Variants in ANKHD1 observed in about 807,000 individuals in gnomAD.
ANKHD1 encodes ankyrin repeat and KH domain-containing protein 1.
In ANKHD1, 31 loss-of-function variants were observed where a neutral mutation model predicts 230.5. The ratio of observed to expected loss-of-function variants is 0.13; its 90% CI spans 0.10 to 0.18. The LOEUF is 0.18. ANKHD1 is among the 10% of genes least tolerant of loss of function. The pLI is 1.00. For synonymous variants in ANKHD1, 1,074 were observed against 1,117.6 expected (o/e 0.96, Z 0.78); for missense variants, 2,256 against 3,071.3 (o/e 0.73, Z 6.27).
intron 24 of ANKHD1, among the ~76,000 whole-genome samples, chr5:140,520,988 AAAAC>A (rs1322995787): frequency 2.0e-5 from 3 of 151,960 alleles, no homozygotes; most frequent in Non-Finnish European, 4.4e-5. Context: ...TGGAAAAATT[AAAAC>A]AAACAAACTA....
intron 1 of ANKHD1, among the ~76,000 whole-genome samples, chr5:140,433,065 A>C (rs534819221): frequency 0.065 from 8,872 of 136,964 alleles, 336 homozygotes; most frequent in African/African-American, 0.13. Flanking sequence ...CCCCCCCCCA[A>C]AAAAAAAACG....
At position 140,485,429 on chromosome 5, in the gene ANKHD1, T is replaced by TACACACACACACAC. The variant is rs1459957142; in HGVS notation, c.1999-159_1999-158insCACACACACACACA. Among the ~76,000 whole-genome samples, 1 of 46,206 alleles carries TACACACACACACAC rather than the reference T, an allele frequency of 2.2e-5. No homozygotes were observed. Among genetic ancestry groups the TACACACACACACAC allele is most frequent in the Non-Finnish European group, 5.3e-5 (1 of 18,946 alleles). The allele number at this position is 46,206 out of a possible 152,430, so 30.3% of individuals were successfully genotyped here. A position where few individuals can be genotyped will look rare whatever the true frequency, so the allele number is the denominator to read the frequency against. On this transcript the variant is annotated intron_variant, in intron 12 of 33. Transcript: ENST00000360839. The surrounding 1 kb of genome is among the most constrained non-coding windows in gnomAD (Gnocchi z 4.8). ...ACACACACACACACACACACACACG[T>TACACACACACACAC]ATGTATGTGTATATATATATAAATA...
intron 1 of ANKHD1, among the ~76,000 whole-genome samples, chr5:140,411,884 G>A (rs1009893077): frequency 1.3e-5 from 2 of 150,364 alleles, no homozygotes; most frequent in Admixed American, 6.7e-5. Flanking sequence ...GCTGGAGTGC[G>A]GTGGTGCAGG....
chr5:140,466,388 A>G (rs59109574), intron 10 of ANKHD1, among the ~76,000 whole-genome samples: 8,459 of 111,644 alleles, frequency 0.076, 838 homozygotes, highest in African/African-American at 0.22. Flanking sequence ...CAAAAACGCC[A>G]TCTCAAAAAA....
At chr5:140,406,106 A>G (rs1770416015) in intron 1 of ANKHD1, among the ~76,000 whole-genome samples, 2 of 151,844 alleles carry the variant, frequency 1.3e-5, no homozygotes, top group African/African-American at 2.4e-5. Context: ...GGCTTGGTGG[A>G]GGGCGCCTGT....
At chr5:140,489,035 C>T (rs967247507) in intron 14 of ANKHD1, among the ~76,000 whole-genome samples, 3 of 151,884 alleles carry the variant, frequency 2.0e-5, no homozygotes, top group African/African-American at 7.3e-5. Flanking sequence ...CAAAAAAATA[C>T]AAAAGTTAGC....
chr5:140,503,553 C>CTTTCTT (rs1752400256), intron 15 of ANKHD1, among the ~76,000 whole-genome samples: 1 of 51,418 alleles, frequency 1.9e-5, no homozygotes. Context: ...AGTTTTCTTT[C>CTTTCTT]TTTTTTTTTT....
At chr5:140,427,506 G>A (rs1314118513) in intron 1 of ANKHD1, among the ~76,000 whole-genome samples, 2 of 133,354 alleles carry the variant, frequency 1.5e-5, no homozygotes, top group Non-Finnish European at 3.3e-5. Flanking sequence ...CCGGGCAGAG[G>A]CGCCCCTCAC....
At chr5:140,444,832 A>C (rs1774149808) in intron 5 of ANKHD1, among the ~76,000 whole-genome samples, 1 of 152,146 alleles carries the variant, frequency 6.6e-6, no homozygotes, top group African/African-American at 2.4e-5. Flanking sequence ...TTATTCAGAC[A>C]ACTGTTACTC....
chr5:140,409,208 A>G (rs1218840513), intron 1 of ANKHD1, among the ~76,000 whole-genome samples: 1 of 152,192 alleles, frequency 6.6e-6, no homozygotes, highest in Non-Finnish European at 1.5e-5. Context: ...GCATTTCAGG[A>G]CTTATGCTTA....
rs146941318 is a variant in ANKHD1 at position 140,478,995 on chromosome 5, T to TTTA, written c.1783-3583_1783-3582insATT. 5.5e-5 allele frequency among the ~76,000 whole-genome samples: 8 copies of TTTA among 146,444 alleles called. No homozygotes were observed. The South Asian group carries it at 6.4e-4, about 12-fold the overall frequency. On this transcript the variant is annotated intron_variant, in intron 10 of 33. Coordinates refer to ENST00000360839, the MANE Select transcript of ANKHD1 (RefSeq NM_017747.3). ...TTTTATTTTATTTATTTTTTTTAATTTTTATTTATTTATTTATTTTTAAGA... is the reference window on the plus strand; with the variant it reads ...TTTTATTTTATTTATTTTTTTTAATTTTATTTATTTATTTATTTATTTTTAAGA...
At chr5:140,443,751 T>G (rs1210184868) in intron 5 of ANKHD1, among the ~76,000 whole-genome samples, 1 of 152,024 alleles carries the variant, frequency 6.6e-6, no homozygotes, top group Non-Finnish European at 1.5e-5. Context: ...AATTTCCCCT[T>G]GAGGATTCTT....
chr5:140,446,182 G>T (rs1774263473), intron 6 of ANKHD1, among the ~76,000 whole-genome samples: 1 of 151,918 alleles, frequency 6.6e-6, no homozygotes, highest in African/African-American at 2.4e-5. Context: ...TTTTAATTCA[G>T]ATTTATTGGG....
chr5:140,526,557 C>A, intron 26 of ANKHD1, 114 bp downstream of exon 26: 1 of 1,314,054 alleles, frequency 7.6e-7, no homozygotes, highest in Non-Finnish European at 1.0e-6. Context: ...TGAAGTCTAC[C>A]ACATTATCTA....
At chr5:140,451,734 C>G (rs1419526881) in intron 7 of ANKHD1, among the ~76,000 whole-genome samples, 2 of 152,104 alleles carry the variant, frequency 1.3e-5, no homozygotes, top group Admixed American at 1.3e-4. Context: ...TCTCAAACAT[C>G]TGGGCTCAAG....
intron 10 of ANKHD1, among the ~76,000 whole-genome samples, chr5:140,476,844 AC>A (rs1750995447): frequency 6.6e-6 from 1 of 152,096 alleles, no homozygotes; most frequent in Non-Finnish European, 1.5e-5. Context: ...CCAAAGTAGT[AC>A]TAAAATTCTA....
intron 1 of ANKHD1, among the ~76,000 whole-genome samples, chr5:140,419,834 CTTT>C (rs1394415655): frequency 9.7e-6 from 1 of 103,012 alleles, no homozygotes; most frequent in African/African-American, 3.8e-5. Context: ...TTCTTTCTTT[CTTT>C]TTCTTTCTCT....
chr5:140,468,772 C>T (rs1776287811), intron 10 of ANKHD1, among the ~76,000 whole-genome samples: 1 of 152,078 alleles, frequency 6.6e-6, no homozygotes, highest in South Asian at 2.1e-4. Flanking sequence ...AATTTATTAA[C>T]CATTTATCTA....
intron 1 of ANKHD1, among the ~76,000 whole-genome samples, chr5:140,428,085 G>A (rs1469393481): frequency 4.0e-5 from 6 of 151,844 alleles, no homozygotes; most frequent in Admixed American, 2.6e-4. Flanking sequence ...GATGGCGGCC[G>A]GGAAGAGGTG....
Sources: gnomAD v4.1 joint callset for allele counts (sites outside exome capture counted in the v4.1 genomes callset) on GRCh38, gnomAD v4.1.1 for gene constraint, Gnocchi (gnomAD v3.1) non-coding constraint, MANE v1.5 for transcripts, NCBI Gene and HGNC (gene_info 2026-07-23, HGNC 2026-07-21) for gene names.